Variants in ADAMTSL1 observed in about 807,000 individuals in gnomAD.
The protein encoded by ADAMTSL1 is ADAMTS like 1.
In ADAMTSL1, 126 loss-of-function variants were observed where a neutral mutation model predicts 201.8. That is an observed-to-expected ratio of 0.62 (90% CI 0.54 to 0.72). ADAMTSL1 has a LOEUF of 0.72. Among genes scored for constraint, ADAMTSL1 ranks in the 30% least tolerant of loss-of-function variants. ADAMTSL1 has a pLI of 0.00. For missense variants in ADAMTSL1, 2,679 were observed against 2,277.8 expected (o/e 1.18, Z -3.59); for synonymous variants, 1,121 against 903.4 (o/e 1.24, Z -4.32).
chr9:18,673,905 C>T (rs1829975171), intron 9 of ADAMTSL1, among the ~76,000 whole-genome samples: 2 of 151,890 alleles, frequency 1.3e-5, no homozygotes, highest in Non-Finnish European at 2.9e-5. Flanking sequence ...AGAGGATTGG[C>T]ATTCTTTAAA....
At chr9:17,928,789 C>G (rs557943348) in intron 1 of ADAMTSL1, among the ~76,000 whole-genome samples, 2 of 151,992 alleles carry the variant, frequency 1.3e-5, no homozygotes, top group Non-Finnish European at 2.9e-5. Context: ...TGCATCTGAC[C>G]CATACTATGT....
chr9:18,752,432 C>T (rs189477048), intron 15 of ADAMTSL1, among the ~76,000 whole-genome samples: 1 of 152,296 alleles, frequency 6.6e-6, no homozygotes, highest in Non-Finnish European at 1.5e-5. Context: ...AATCTTTGTG[C>T]CTCAGACTGT....
intron 2 of ADAMTSL1, among the ~76,000 whole-genome samples, chr9:18,454,598 T>C (rs925130772): frequency 2.0e-5 from 3 of 152,206 alleles, no homozygotes; most frequent in Admixed American, 2.0e-4. Flanking sequence ...GTTATTGTTA[T>C]GGCAATTCAG....
chr9:18,814,444 A>G (rs1823707764), intron 20 of ADAMTSL1, among the ~76,000 whole-genome samples: 2 of 152,262 alleles, frequency 1.3e-5, no homozygotes, highest in Admixed American at 1.3e-4. Flanking sequence ...ACAGAATGAG[A>G]TAAAATATTT....
chr9:18,809,161 T>G (rs10811038), intron 20 of ADAMTSL1, among the ~76,000 whole-genome samples: 78,311 of 151,932 alleles, frequency 0.52, 20,381 homozygotes, highest in East Asian at 0.6. Context: ...TTAGTTCTAG[T>G]GCTTATGAAA....
At chr9:18,721,515 G>A in intron 14 of ADAMTSL1, 21 bp from the exon 15 acceptor site, 1 of 1,612,908 alleles carries the variant, frequency 6.2e-7, no homozygotes. Flanking sequence ...ACTCTGGCCT[G>A]ACCGTGTGAT....
intron 2 of ADAMTSL1, among the ~76,000 whole-genome samples, chr9:18,347,595 C>G (rs1173982720): frequency 6.6e-6 from 1 of 152,168 alleles, no homozygotes; most frequent in African/African-American, 2.4e-5. Context: ...TGAATCAGCA[C>G]AGCTGTCATC....
intron 2 of ADAMTSL1, among the ~76,000 whole-genome samples, chr9:18,332,038 T>C (rs1284623091): frequency 1.3e-5 from 2 of 152,156 alleles, no homozygotes; most frequent in South Asian, 2.1e-4. Flanking sequence ...ATGTGGAATT[T>C]CTCCAGCCCT....
intron 7 of ADAMTSL1, among the ~76,000 whole-genome samples, chr9:18,643,405 G>T (rs1047496575): frequency 6.6e-6 from 1 of 151,982 alleles, no homozygotes; most frequent in Non-Finnish European, 1.5e-5. Flanking sequence ...TCACTGTGCA[G>T]AAGCTTTTTA....
chr9:18,884,999 T>C (rs779185388), intron 23 of ADAMTSL1, among the ~76,000 whole-genome samples: 9 of 152,210 alleles, frequency 5.9e-5, no homozygotes, highest in Non-Finnish European at 1.2e-4. Context: ...CTAACAGTAT[T>C]AAGTCTCCTA....
intron 4 of ADAMTSL1, among the ~76,000 whole-genome samples, chr9:18,582,464 C>T (rs999341923): frequency 5.9e-5 from 9 of 152,058 alleles, no homozygotes; most frequent in Non-Finnish European, 1.0e-4. Flanking sequence ...GGGAGGAACC[C>T]GGTGGGAGGC....
chr9:18,168,970 GTTGT>G (rs1563781007), intron 2 of ADAMTSL1, among the ~76,000 whole-genome samples: 2 of 150,982 alleles, frequency 1.3e-5, no homozygotes, highest in African/African-American at 2.4e-5. Flanking sequence ...TTTTGATGGG[GTTGT>G]TTGTTTTTTC....
chr9:18,399,048 G>A (rs550344277), intron 2 of ADAMTSL1, among the ~76,000 whole-genome samples: 1 of 151,658 alleles, frequency 6.6e-6, no homozygotes, highest in Non-Finnish European at 1.5e-5. Flanking sequence ...CCACTTATGT[G>A]CTAGTTAGAT....
At position 18,721,628 on chromosome 9, in the gene ADAMTSL1, C is replaced by T; in HGVS notation, c.1969C>T (p.Leu657Phe). Residue 657 changes from leucine to phenylalanine, a missense_variant, in exon 15 of 29, where the codon CTC (leucine) becomes TTC (phenylalanine). By Grantham distance (22) the Leu-to-Phe change is conservative. Coordinates refer to ENST00000380548, the MANE Select transcript of ADAMTSL1 (RefSeq NM_001040272.6). ...CGTGACCAGCCGCCGGCCCCCACAG[C>T]TCCTGAAGTCCTGCAATTTGGATCC... ...LCVTSRRPPQ[L>F]LKSCNLDPCP... The T allele has an allele frequency of 6.2e-7, 1 of 1,613,988 alleles. No individual in the cohort carries two copies. The highest frequency in any genetic ancestry group is 8.5e-7 in the Non-Finnish European group (1 of 1,179,884).
intron 14 of ADAMTSL1, among the ~76,000 whole-genome samples, chr9:18,713,091 T>G (rs1016665746): frequency 3.6e-4 from 54 of 151,252 alleles, no homozygotes; most frequent in African/African-American, 1.2e-3. Context: ...AAAGAGCTCC[T>G]GAAGGAAGCG....
At chr9:18,071,297 A>G (rs1822952497) in intron 1 of ADAMTSL1, among the ~76,000 whole-genome samples, 1 of 152,226 alleles carries the variant, frequency 6.6e-6, no homozygotes. Context: ...TTCAGAGCAT[A>G]TCTATGGGAG....
chr9:18,870,212 C>T lies in ADAMTSL1; in HGVS notation c.4250-17619C>T, dbSNP rs557208204. Among the ~76,000 whole-genome samples the T allele has an allele frequency of 5.9e-5, 9 of 152,292 alleles. No homozygotes were observed. In the East Asian group the frequency reaches 1.5e-3, roughly 26 times the overall value. On this transcript the variant is annotated intron_variant, in intron 23 of 28. Transcript: ENST00000380548. Reference sequence around the variant, plus strand: ...ACTCACTGCAGCATTTGTATCATCTCAGGATTGGTTTCTGTTGACAGCTCT... The same window carrying T: ...ACTCACTGCAGCATTTGTATCATCTTAGGATTGGTTTCTGTTGACAGCTCT...
At chr9:18,400,467 T>A (rs1425536067) in intron 2 of ADAMTSL1, among the ~76,000 whole-genome samples, 2 of 152,224 alleles carry the variant, frequency 1.3e-5, no homozygotes, top group Non-Finnish European at 2.9e-5. Flanking sequence ...CTATGTTTCG[T>A]TCATAATACG....
chr9:18,095,135 T>C (rs1824189568), intron 1 of ADAMTSL1, among the ~76,000 whole-genome samples: 1 of 152,148 alleles, frequency 6.6e-6, no homozygotes, highest in Admixed American at 6.5e-5. Context: ...AGACGCCACC[T>C]GAGACCTTCT....
Sources: allele counts gnomAD v4.1 joint callset (sites outside exome capture counted in the v4.1 genomes callset), GRCh38; gene constraint gnomAD v4.1.1; transcripts MANE v1.5; gene names NCBI Gene and HGNC (gene_info 2026-07-23, HGNC 2026-07-21).